The following RLBP1 variants were observed in gnomAD, a reference collection of about 807,000 sequenced individuals.
RLBP1 encodes retinaldehyde-binding protein 1.
A neutral mutation model predicts 36.2 loss-of-function variants in RLBP1; 26 were observed. That is an observed-to-expected ratio of 0.72 (90% CI 0.53 to 1.00). The LOEUF is 1.00. Ranked by LOEUF, RLBP1 falls within the 50% of genes least tolerant of loss-of-function variation. The pLI, the probability that RLBP1 is intolerant of heterozygous loss-of-function variation, is 0.00. For missense variants in RLBP1, 410 were observed against 402.4 expected (o/e 1.02, Z -0.16); for synonymous variants, 155 against 156.2 (o/e 0.99, Z 0.06).
At position 89,210,189 on chromosome 15, in the gene RLBP1, C is replaced by G; in HGVS notation, c.*96G>C. ...GCTTAGGGAGTCTAAGGGGGGACCA[C>G]AGTCATCTCAAGCAGCCCTTTCCTA... On this transcript the variant is annotated 3_prime_UTR_variant, in exon 9 of 9. Coordinates refer to ENST00000268125, the MANE Select transcript of RLBP1 (RefSeq NM_000326.5). This position sits in a 1 kb window ranked among gnomAD's most constrained non-coding sequence, Gnocchi z 4.7. 6.9e-7 allele frequency: 1 copy of G among 1,443,986 alleles called. No homozygotes were observed. The highest frequency in any genetic ancestry group is 9.7e-7 in the Non-Finnish European group (1 of 1,035,520). The allele number at this position is 1,443,986 out of a possible 1,614,324, so 89.4% of individuals were successfully genotyped here.
At chr15:89,215,487 G>T (rs1300982184) in intron 5 of RLBP1, among the ~76,000 whole-genome samples, 13 of 152,220 alleles carry the variant, frequency 8.5e-5, no homozygotes, top group Admixed American at 7.2e-4. Context: ...GATTCAAGGT[G>T]TAAACATCAT....
Position 89,211,757 on chromosome 15 carries a change from C to T in RLBP1, c.670G>A (p.Val224Met). 2.5e-6 allele frequency: 4 copies of T among 1,614,028 alleles called. No homozygotes were observed. The highest frequency in any genetic ancestry group is 3.4e-6 in the Non-Finnish European group (4 of 1,180,018). The change falls in exon 7 of 9, where the codon GTG becomes ATG. Residue 224 changes from valine to methionine, a missense_variant. Coordinates refer to ENST00000268125, the MANE Select transcript of RLBP1 (RefSeq NM_000326.5). The surrounding 1 kb of genome is among the most constrained non-coding windows in gnomAD (Gnocchi z 5.8). ...SLRTSDLRKM[V>M]DMLQDSFPAR... ...CTAAGCCTCACCTGGAGCATGTCCA[C>T]CATCTTCCTGAGATCTGAAGTCCGG... is the stretch of plus-strand genomic sequence containing the variant.
At chr15:89,219,419 A>T (rs1387109848) in intron 2 of RLBP1, 1 of 212,272 alleles carries the variant, frequency 4.7e-6, no homozygotes, top group African/African-American at 2.3e-5. Context: ...ACTGCAGGAT[A>T]AGGCAATCTC....
chr15:89,211,679 A>G lies in RLBP1; in HGVS notation c.684+64T>C. ...AGTTCCCTGCAAGCACCATGAAAGG[A>G]GGCCCAGCCTCTCAGCCTCCCCAGC... is the stretch of plus-strand genomic sequence containing the variant. On this transcript the variant is annotated intron_variant, in intron 7 of 8. Transcript: ENST00000268125. The surrounding 1 kb of genome is among the most constrained non-coding windows in gnomAD (Gnocchi z 5.8). 6.4e-7 allele frequency: 1 copy of G among 1,563,688 alleles called. No individual in the cohort carries two copies. Among genetic ancestry groups the G allele is most frequent in the African/African-American group, 1.4e-5 (1 of 73,930 alleles).
In RLBP1 at chr15:89,214,256, TTTGAGACCAGCC is replaced by T. The variant is rs1238116179; in HGVS notation, c.525+792_525+803del. ...TGGGCGGATCACTTGAGCTCAGGAG[TTTGAGACCAGCC>T]TGGCCAACATGGTGAAACCCCGTCT... On this transcript the variant is annotated intron_variant, in intron 6 of 8. Coordinates refer to ENST00000268125, the MANE Select transcript of RLBP1 (RefSeq NM_000326.5). This position sits in a 1 kb window ranked among gnomAD's most constrained non-coding sequence, Gnocchi z 4.6. Among the ~76,000 whole-genome samples, 1 of 151,260 alleles carries T rather than the reference TTTGAGACCAGCC, an allele frequency of 6.6e-6. No individual in the cohort carries two copies. Among genetic ancestry groups the T allele is most frequent in the Non-Finnish European group, 1.5e-5 (1 of 67,868 alleles).
chr15:89,220,607 C>G lies in RLBP1; in HGVS notation c.-223-748G>C, dbSNP rs569392820. Among the ~76,000 whole-genome samples, 703 of 152,256 alleles carry G rather than the reference C, an allele frequency of 4.6e-3. 1 individual carries two copies. The highest frequency in any genetic ancestry group is 0.016 in the African/African-American group (653 of 41,536). On this transcript the variant is annotated intron_variant, in intron 1 of 8. Transcript: ENST00000268125. ...TCCACCCACAGGAACCAAATCTAAG[C>G]CACCTTTCTGGCTGGTAGACATCCA...
rs2051566536 is a variant in RLBP1, at chr15:89,214,910, C to T, written c.525+150G>A. ...CACATCCTAGGAATTCTCTCCCTGC[C>T]TGGAAAGGGCTAGGTGGCAGGTGGC... is the stretch of plus-strand genomic sequence containing the variant. On this transcript the variant is annotated intron_variant, in intron 6 of 8. Coordinates refer to ENST00000268125, the MANE Select transcript of RLBP1 (RefSeq NM_000326.5). This position sits in a 1 kb window ranked among gnomAD's most constrained non-coding sequence, Gnocchi z 4.6. 1 of 781,078 alleles carries T rather than the reference C, an allele frequency of 1.3e-6. No homozygotes were observed. Among genetic ancestry groups the T allele is most frequent in the Non-Finnish European group, 2.1e-6 (1 of 470,646 alleles). The allele number at this position is 781,078 out of a possible 1,614,324, so 48.4% of individuals were successfully genotyped here.
rs372443159 is a variant in RLBP1 at position 89,218,546 on chromosome 15, G to A, written c.141+19C>T. The A allele has an allele frequency of 4.3e-6, 7 of 1,614,028 alleles. No individual in the cohort carries two copies. Among genetic ancestry groups the A allele is most frequent in the East Asian group, 2.2e-5 (1 of 44,900 alleles). ...TTGCCTCCCTAGGCTGCTCCTCTCC[G>A]CACTGTCAGCCACCTCACCTTCTGC... On this transcript the variant is annotated intron_variant, in intron 4 of 8. Transcript: ENST00000268125. The surrounding 1 kb of genome is among the most constrained non-coding windows in gnomAD (Gnocchi z 4.6).
rs367972013 is a variant in RLBP1 at position 89,210,390 on chromosome 15, G to A, written c.849C>T (p.Asn283=). 1.9e-6 allele frequency: 3 copies of A among 1,614,116 alleles called. No individual in the cohort carries two copies. Among genetic ancestry groups the A allele is most frequent in the African/African-American group, 1.3e-5 (1 of 74,930 alleles). Residue 283 remains asparagine (N), a synonymous_variant, in exon 9 of 9, where the codon AAC becomes AAT. Coordinates refer to ENST00000268125, the MANE Select transcript of RLBP1 (RefSeq NM_000326.5). The surrounding 1 kb of genome is among the most constrained non-coding windows in gnomAD (Gnocchi z 4.7). ...TGCCCCCGAAGTCAGAGGGCAGGATGTTCTCATCGATCTCCTGGTAGAAAC... is the reference window on the plus strand; with the variant it reads ...TGCCCCCGAAGTCAGAGGGCAGGATATTCTCATCGATCTCCTGGTAGAAAC... ...LSGFYQEIDE[N]ILPSDFGGTL...
Position 89,217,108 on chromosome 15 carries a change from C to T in RLBP1, c.346+12G>A. 6.2e-7 allele frequency: 1 copy of T among 1,613,304 alleles called. No homozygotes were observed. The highest frequency in any genetic ancestry group is 8.5e-7 in the Non-Finnish European group (1 of 1,179,600). ...GTCTTCCCAGGGCCGTCCCTCCAAGCACTGGCCTCACCTCTGAGCAGCTCA... is the reference window on the plus strand; with the variant it reads ...GTCTTCCCAGGGCCGTCCCTCCAAGTACTGGCCTCACCTCTGAGCAGCTCA... On this transcript the variant is annotated intron_variant, in intron 5 of 8. Coordinates refer to ENST00000268125, the MANE Select transcript of RLBP1 (RefSeq NM_000326.5).
Position 89,214,226 on chromosome 15 carries a change from C to T in RLBP1, c.525+834G>A, listed in dbSNP as rs557882443. ...CTGTAATCCCAGCACTTTGGGAGGC[C>T]GAGGTGGGCGGATCACTTGAGCTCA... On this transcript the variant is annotated intron_variant, in intron 6 of 8. Transcript: ENST00000268125. This position sits in a 1 kb window ranked among gnomAD's most constrained non-coding sequence, Gnocchi z 4.6. 2.4e-4 allele frequency among the ~76,000 whole-genome samples: 37 copies of T among 152,094 alleles called. No homozygotes were observed. The highest frequency in any genetic ancestry group is 3.4e-3 in the Middle Eastern group (1 of 292).
Position 89,210,166 on chromosome 15 carries a change from T to C in RLBP1, c.*119A>G. ...GGGTGACACCTGAGCTCACTCGGGC[T>C]TAGGGAGTCTAAGGGGGGACCACAG... On this transcript the variant is annotated 3_prime_UTR_variant, in exon 9 of 9. Transcript: ENST00000268125. The surrounding 1 kb of genome is among the most constrained non-coding windows in gnomAD (Gnocchi z 4.7). The C allele has an allele frequency of 8.5e-7, 1 of 1,182,510 alleles. No homozygotes were observed. Among genetic ancestry groups the C allele is most frequent in the East Asian group, 2.3e-5 (1 of 42,874 alleles). The allele number at this position is 1,182,510 out of a possible 1,614,324, so 73.3% of individuals were successfully genotyped here. A position where few individuals can be genotyped will look rare whatever the true frequency, so the allele number is the denominator to read the frequency against.
Position 89,217,219 on chromosome 15 carries a change from C to A in RLBP1, c.247G>T (p.Ala83Ser). 1.9e-6 allele frequency: 3 copies of A among 1,613,192 alleles called. No homozygotes were observed. Among genetic ancestry groups the A allele is most frequent in the Non-Finnish European group, 2.5e-6 (3 of 1,180,034 alleles). Residue 83 changes from alanine to serine, a missense_variant, in exon 5 of 9, where the codon GCC (alanine) becomes TCC (serine). Physicochemically the swap from Ala to Ser is moderately conservative, Grantham distance 99. Coordinates refer to ENST00000268125, the MANE Select transcript of RLBP1 (RefSeq NM_000326.5). ...TTCTCTTGCACCCTCTCCGCCACGG[C>A]CACCGCCAGCTCCTCCCCCGAGGCC... ...QAASGEELAV[A>S]VAERVQEKDS... is the part of the protein sequence containing the mutation.
intron 5 of RLBP1, among the ~76,000 whole-genome samples, chr15:89,216,059 T>C (rs896601596): frequency 6.6e-6 from 1 of 152,228 alleles, no homozygotes; most frequent in Non-Finnish European, 1.5e-5. Flanking sequence ...TTTAACCCTA[T>C]ATAATTTTAC....
chr15:89,214,947 C>A lies in RLBP1; in HGVS notation c.525+113G>T. 1.8e-6 allele frequency: 2 copies of A among 1,142,776 alleles called. No homozygotes were observed. Among genetic ancestry groups the A allele is most frequent in the Non-Finnish European group, 2.6e-6 (2 of 761,934 alleles). 70.8% of individuals were successfully genotyped at this position (1,142,776 alleles called of 1,614,324 possible). A position where few individuals can be genotyped will look rare whatever the true frequency, so the allele number is the denominator to read the frequency against. ...AGGTGGCAGGTGGCTGCCCACCTTT[C>A]CCCCTCTACAGACCTTGCCTCCTGG... On this transcript the variant is annotated intron_variant, in intron 6 of 8. Transcript: ENST00000268125. The surrounding 1 kb of genome is among the most constrained non-coding windows in gnomAD (Gnocchi z 4.6).
In RLBP1 at chr15:89,210,632, G is replaced by A; in HGVS notation, c.795+67C>T. On this transcript the variant is annotated intron_variant, in intron 8 of 8. Coordinates refer to ENST00000268125, the MANE Select transcript of RLBP1 (RefSeq NM_000326.5). The surrounding 1 kb of genome is among the most constrained non-coding windows in gnomAD (Gnocchi z 4.7). ...AGCTCAGGACCATGGTAGAGTGTGA[G>A]GAGGGCTCAGGTGAGGCCCCACCCT... 7.7e-7 allele frequency: 1 copy of A among 1,292,128 alleles called. No homozygotes were observed. The highest frequency in any genetic ancestry group is 1.1e-6 in the Non-Finnish European group (1 of 908,402). 80.0% of individuals were successfully genotyped at this position (1,292,128 alleles called of 1,614,324 possible). A position where few individuals can be genotyped will look rare whatever the true frequency, so the allele number is the denominator to read the frequency against.
chr15:89,221,003 CTTTTTTT>C (rs562626834), intron 1 of RLBP1, among the ~76,000 whole-genome samples: 2 of 129,278 alleles, frequency 1.5e-5, no homozygotes, highest in African/African-American at 3.0e-5. Flanking sequence ...TAAATGTGAA[CTTTTTTT>C]TTTTTTTTTT....
In RLBP1 at chr15:89,211,798, T is replaced by C; in HGVS notation, c.629A>G (p.Gln210Arg). Residue 210 changes from glutamine (Q) to arginine (R), a missense_variant, in exon 7 of 9, where the codon CAG becomes CGG. Coordinates refer to ENST00000268125, the MANE Select transcript of RLBP1 (RefSeq NM_000326.5). The surrounding 1 kb of genome is among the most constrained non-coding windows in gnomAD (Gnocchi z 5.8). ...TGAAGTCCGGAGACTAGCAGCCTGC[T>C]GCATGGTAAAGCCCTTGAAGTTCTC... Reference protein sequence around the residue: ...IIENFKGFTMQQAASLRTSDL... With the variant: ...IIENFKGFTMRQAASLRTSDL... The C allele has an allele frequency of 1.2e-6, 2 of 1,614,238 alleles. No homozygotes were observed. The highest frequency in any genetic ancestry group is 1.7e-6 in the Non-Finnish European group (2 of 1,180,042).
At chr15:89,220,838 G>A (rs541225422) in intron 1 of RLBP1, among the ~76,000 whole-genome samples, 90 of 152,114 alleles carry the variant, frequency 5.9e-4, no homozygotes, top group East Asian at 4.4e-3. Context: ...AAGTCCGTGC[G>A]GCAACTCTTT....
Sources: gnomAD v4.1 joint callset for allele counts (sites outside exome capture counted in the v4.1 genomes callset) on GRCh38, gnomAD v4.1.1 for gene constraint, Gnocchi (gnomAD v3.1) non-coding constraint, MANE v1.5 for transcripts, NCBI Gene and HGNC (gene_info 2026-07-23, HGNC 2026-07-21) for gene names.